Variants in LBR observed in about 807,000 individuals in gnomAD.
LBR encodes the protein lamin B receptor.
A neutral mutation model predicts 74.3 loss-of-function variants in LBR; 28 were observed. The ratio of observed to expected loss-of-function variants is 0.38; its 90% CI spans 0.28 to 0.52. The LOEUF (loss-of-function observed/expected upper bound fraction) is 0.52, where lower values mean the gene tolerates loss of function less well. LBR is among the 20% of genes least tolerant of loss of function. LBR has a pLI of 0.89. For missense variants in LBR, 717 were observed against 760.3 expected (o/e 0.94, Z 0.67); for synonymous variants, 228 against 269.3 (o/e 0.85, Z 1.50).
At chr1:225,426,274 T>C (rs11588279) in intron 1 of LBR, among the ~76,000 whole-genome samples, 117,390 of 152,146 alleles carry the variant, frequency 0.77, 45,501 homozygotes, top group Admixed American at 0.81. Flanking sequence ...TCCTAATATA[T>C]TCCCCCACAG....
At chr1:225,424,529 A>G (rs2096135482) in intron 1 of LBR, among the ~76,000 whole-genome samples, 1 of 152,244 alleles carries the variant, frequency 6.6e-6, no homozygotes, top group Admixed American at 6.5e-5. Context: ...AAAATCAAGG[A>G]TGTACAATTA....
In LBR at chr1:225,418,118, G is replaced by A. The variant is rs1248666020; in HGVS notation, c.703C>T (p.Gln235Ter). 6.2e-7 allele frequency: 1 copy of A among 1,614,138 alleles called. No homozygotes were observed. Among genetic ancestry groups the A allele is most frequent in the East Asian group, 2.2e-5 (1 of 44,888 alleles). The change falls in exon 6 of 14, where the codon CAG becomes TAG. Residue 235 changes from glutamine (Q) to a stop codon, truncating the protein, a stop_gained. Transcript: ENST00000272163. LOFTEE classifies it high-confidence loss of function. ...FLFLLLLMCK[Q>*]KDPSLLNFPP... ...AAATTCAGAAGACTGGGATCTTTCT[G>A]TTTACACATCAACAGCAACAGGAAG...
intron 10 of LBR, among the ~76,000 whole-genome samples, chr1:225,408,125 A>T (rs1048812481): frequency 2.0e-5 from 3 of 152,214 alleles, no homozygotes; most frequent in African/African-American, 7.2e-5. Flanking sequence ...TAGAACTTAG[A>T]ACTTACTCCT....
chr1:225,419,164 T>C lies in LBR; in HGVS notation c.640+99A>G, dbSNP rs1356049570. On this transcript the variant is annotated intron_variant, in intron 5 of 13. Transcript: ENST00000272163. The stretch of plus-strand genomic sequence containing the variant: ...TTCCCACCAGGCTCATTACCTTGCC[T>C]GCCTCAGATGTCTTCAGAGAGGCCT... 2.6e-6 allele frequency: 3 copies of C among 1,145,222 alleles called. No homozygotes were observed. The Admixed American group carries it at 5.2e-5, about 20-fold the overall frequency. The allele number at this position is 1,145,222 out of a possible 1,614,324, so 70.9% of individuals were successfully genotyped here.
intron 7 of LBR, among the ~76,000 whole-genome samples, chr1:225,414,725 A>T (rs1166735888): frequency 2.0e-5 from 3 of 152,230 alleles, no homozygotes; most frequent in African/African-American, 7.2e-5. Flanking sequence ...GAGAGACCCT[A>T]ATGAAGAGAC....
intron 2 of LBR, among the ~76,000 whole-genome samples, chr1:225,423,197 G>A (rs187222539): frequency 2.9e-3 from 434 of 152,264 alleles, no homozygotes; most frequent in Middle Eastern, 0.027. Context: ...ACTGTGAGTC[G>A]TCTATTGTGT....
intron 9 of LBR, 101 bp from the exon 10 acceptor site, chr1:225,410,517 C>T (rs543799545): frequency 2.9e-5 from 37 of 1,284,436 alleles, no homozygotes; most frequent in African/African-American, 1.9e-4. Context: ...ACCTGGCAGA[C>T]GCCACCGTAA....
At chr1:225,409,925 G>A (rs1295401276) in intron 10 of LBR, among the ~76,000 whole-genome samples, 1 of 152,042 alleles carries the variant, frequency 6.6e-6, no homozygotes, top group Non-Finnish European at 1.5e-5. Flanking sequence ...TAAAAACTAG[G>A]TGACTCTTGA....
At chr1:225,412,319 A>G in intron 8 of LBR, 135 bp downstream of exon 8, 1 of 781,222 alleles carries the variant, frequency 1.3e-6, no homozygotes, top group Non-Finnish European at 2.2e-6. Context: ...GTTTTTCTTC[A>G]TCTTTTCATT....
chr1:225,428,647 A>C (rs1189285129), upstream of LBR: 1 of 152,142 alleles, frequency 6.6e-6, no homozygotes, highest in African/African-American at 2.4e-5. Flanking sequence ...ACCCGGACCG[A>C]TGCTGGGACC....
Position 225,422,220 on chromosome 1 carries a change from G to C in LBR, c.223C>G (p.Arg75Gly), listed in dbSNP as rs553554966. The change falls in exon 3 of 14, where the codon CGC (arginine) becomes GGC (glycine). Residue 75 changes from arginine (R) to glycine (G), a missense_variant. Physicochemically the swap from Arg to Gly is moderately radical, Grantham distance 125 (BLOSUM62 -2). Coordinates refer to ENST00000272163, the MANE Select transcript of LBR (RefSeq NM_002296.4). ...CGTGACCTTGATCGACTCCCTCGGCGTCTGGAAGGGGAACTGGAAGTTGAG... is the reference window on the plus strand; with the variant it reads ...CGTGACCTTGATCGACTCCCTCGGCCTCTGGAAGGGGAACTGGAAGTTGAG... ...GGSTSSSPSR[R>G]RGSRSRSRSR... The C allele has an allele frequency of 1.2e-6, 2 of 1,613,842 alleles. No individual in the cohort carries two copies. Among genetic ancestry groups the C allele is most frequent in the African/African-American group, 2.7e-5 (2 of 74,876 alleles).
At chr1:225,415,461 A>G (rs1266379713) in intron 6 of LBR, 129 bp from the exon 7 acceptor site, 1 of 611,476 alleles carries the variant, frequency 1.6e-6, no homozygotes. Flanking sequence ...ATATCTTGTA[A>G]CATGGAAATT....
chr1:225,422,128 G>T lies in LBR; in HGVS notation c.315C>A (p.Asp105Glu), dbSNP rs1308755479. 1 of 1,614,022 alleles carries T rather than the reference G, an allele frequency of 6.2e-7. No individual in the cohort carries two copies. The highest frequency in any genetic ancestry group is 2.2e-5 in the East Asian group (1 of 44,888). The change falls in exon 3 of 14, where the codon GAC becomes GAA. Residue 105 changes from aspartate to glutamate, a missense_variant. Asp to Glu is a conservative substitution (Grantham distance 45). Coordinates refer to ENST00000272163, the MANE Select transcript of LBR (RefSeq NM_002296.4). ...CCACTTCCCTCCTTGCTTCCTTAATGTCGGCCTGGTGGGAAGCAGAAGCAG... is the reference window on the plus strand; with the variant it reads ...CCACTTCCCTCCTTGCTTCCTTAATTTCGGCCTGGTGGGAAGCAGAAGCAG... ...RRSASASHQA[D>E]IKEARREVEV...
At chr1:225,407,712 T>C (rs1021979971) in intron 10 of LBR, among the ~76,000 whole-genome samples, 16 of 152,186 alleles carry the variant, frequency 1.1e-4, no homozygotes, top group African/African-American at 3.1e-4. Flanking sequence ...ATAAGCTCTG[T>C]TGGAGAATCA....
At chr1:225,418,402 A>C (rs923033109) in intron 5 of LBR, among the ~76,000 whole-genome samples, 4 of 152,010 alleles carry the variant, frequency 2.6e-5, no homozygotes, top group African/African-American at 9.7e-5. Flanking sequence ...AAAATAAAAA[A>C]AAAAAGAAAG....
chr1:225,406,560 C>T, intron 11 of LBR, 104 bp downstream of exon 11: 1 of 1,016,950 alleles, frequency 9.8e-7, no homozygotes, highest in Non-Finnish European at 1.5e-6. Flanking sequence ...TGAGCTAATG[C>T]TGGCCATTCA....
chr1:225,415,224 T>C (rs1480194318), intron 7 of LBR, 54 bp downstream of exon 7: 17 of 1,174,734 alleles, frequency 1.4e-5, no homozygotes. Flanking sequence ...AGTTTAACAC[T>C]TAGAAGTTTA....
chr1:225,414,361 T>C (rs2096112877), intron 7 of LBR: 3 of 339,976 alleles, frequency 8.8e-6, no homozygotes, highest in South Asian at 7.0e-5. Context: ...ATTGAAAGGA[T>C]AAAAAGTTCA....
At chr1:225,410,483 A>G in intron 9 of LBR, 67 bp from the exon 10 acceptor site, 1 of 1,552,662 alleles carries the variant, frequency 6.4e-7, no homozygotes, top group South Asian at 1.1e-5. Flanking sequence ...CTACAAAGGC[A>G]TGAGTGAGCT....
Sources: allele counts gnomAD v4.1 joint callset (sites outside exome capture counted in the v4.1 genomes callset), GRCh38; gene constraint gnomAD v4.1.1; transcripts MANE v1.5; gene names NCBI Gene and HGNC (gene_info 2026-07-23, HGNC 2026-07-21).